PUS1: variants seen among roughly 807,000 people sequenced by gnomAD.
The protein encoded by PUS1 is pseudouridylate synthase 1 homolog.
A neutral mutation model predicts 38.5 loss-of-function variants in PUS1; 25 were observed. The observed-to-expected ratio is 0.65, with a 90% confidence interval of 0.47 to 0.91. The LOEUF (loss-of-function observed/expected upper bound fraction) is 0.91. Ranked by LOEUF, PUS1 falls within the 40% of genes least tolerant of loss-of-function variation. The probability of loss-of-function intolerance (pLI) is 0.00; values close to 1 mark genes in which losing one functional copy is unlikely to be tolerated. For missense variants in PUS1, 597 were observed against 612.3 expected (o/e 0.97, Z 0.26); for synonymous variants, 282 against 260.4 (o/e 1.08, Z -0.80).
Position 131,932,665 on chromosome 12 carries a change from C to T in PUS1, c.441+353C>T, listed in dbSNP as rs1566141701. The stretch of plus-strand genomic sequence containing the variant: ...TGAGGCAGATGTAATTGTGTGGCTG[C>T]AAAGGCAGAGAGCCACACTTGTATG... On this transcript the variant is annotated intron_variant, in intron 3 of 5. Transcript: ENST00000376649. 5 of 430,874 alleles carry T rather than the reference C, an allele frequency of 1.2e-5. 1 individual carries two copies. The highest frequency in any genetic ancestry group is 1.0e-4 in the South Asian group (5 of 48,922). The allele number at this position is 430,874 out of a possible 1,614,324, so 26.7% of individuals were successfully genotyped here. A position where few individuals can be genotyped will look rare whatever the true frequency, so the allele number is the denominator to read the frequency against.
chr12:131,939,813 T>C (rs1438798568), intron 4 of PUS1, among the ~76,000 whole-genome samples: 2 of 152,002 alleles, frequency 1.3e-5, no homozygotes, highest in Non-Finnish European at 2.9e-5. Context: ...ACACTTCATT[T>C]TTGAGTTTGT....
intron 3 of PUS1, among the ~76,000 whole-genome samples, chr12:131,937,894 C>T (rs1890899775): frequency 6.6e-6 from 1 of 152,088 alleles, no homozygotes; most frequent in African/African-American, 2.4e-5. Context: ...GAGACATCAT[C>T]ATCCTTTACC....
Position 131,945,301 on chromosome 12 carries a change from C to G in PUS1, c.*1715C>G, listed in dbSNP as rs148595053. 1 of 152,232 alleles carries G rather than the reference C, an allele frequency of 6.6e-6. No individual in the cohort carries two copies. The highest frequency in any genetic ancestry group is 1.5e-5 in the Non-Finnish European group (1 of 68,110). The allele number at this position is 152,232 out of a possible 1,614,324, so 9.4% of individuals were successfully genotyped here. A position where few individuals can be genotyped will look rare whatever the true frequency, so the allele number is the denominator to read the frequency against. On this transcript the variant is annotated 3_prime_UTR_variant, in exon 6 of 6. Coordinates refer to ENST00000376649, the MANE Select transcript of PUS1 (RefSeq NM_025215.6). The stretch of plus-strand genomic sequence containing the variant: ...GTGGAGCTGGTTTTAGGGATTTTGG[C>G]CAGAGGAGCAGTGGGGCTCACTGCT...
intron 3 of PUS1, chr12:131,934,576 T>G (rs955017854): frequency 2.0e-5 from 3 of 152,200 alleles, no homozygotes; most frequent in African/African-American, 7.2e-5. Flanking sequence ...GGTATATAAT[T>G]ATATCTATAT....
chr12:131,939,383 T>A, intron 4 of PUS1, 108 bp downstream of exon 4: 1 of 781,436 alleles, frequency 1.3e-6, no homozygotes, highest in Non-Finnish European at 2.2e-6. Context: ...TGCAGAAGCG[T>A]AGTCAGAGTT....
At chr12:131,940,511 T>C (rs1252905738) in intron 4 of PUS1, among the ~76,000 whole-genome samples, 1 of 152,226 alleles carries the variant, frequency 6.6e-6, no homozygotes, top group East Asian at 1.9e-4. Flanking sequence ...ACTAAGAACA[T>C]TTACATATGA....
In PUS1 at chr12:131,941,810, C is replaced by T. The variant is rs551018914; in HGVS notation, c.1063C>T (p.Pro355Ser). 11 of 1,613,742 alleles carry T rather than the reference C, an allele frequency of 6.8e-6. No individual in the cohort carries two copies. The South Asian group carries it at 1.2e-4, about 18-fold the overall frequency. Residue 355 changes from proline to serine, a missense_variant, in exon 5 of 6, where the codon CCG becomes TCG. Coordinates refer to ENST00000376649, the MANE Select transcript of PUS1 (RefSeq NM_025215.6). The surrounding 1 kb of genome is among the most constrained non-coding windows in gnomAD (Gnocchi z 4.4). ...CTTTGGCAACGATGGGCTGCATGAG[C>T]CGCTGGACTGGGCGCAGGAGGAAGG... ...QRFGNDGLHE[P>S]LDWAQEEGKV...
chr12:131,932,052 T>G (rs1018664949), intron 2 of PUS1, 123 bp from the exon 3 acceptor site: 2 of 846,492 alleles, frequency 2.4e-6, no homozygotes, highest in Admixed American at 4.0e-5. Flanking sequence ...AGCTCACACT[T>G]GTAATCTCAG....
chr12:131,933,443 T>C (rs549829005), intron 3 of PUS1, among the ~76,000 whole-genome samples: 1 of 152,246 alleles, frequency 6.6e-6, no homozygotes, highest in Non-Finnish European at 1.5e-5. Flanking sequence ...AATACTGTTT[T>C]TGTGTGTATG....
At position 131,941,428 on chromosome 12, in the gene PUS1, G is replaced by A; in HGVS notation, c.681G>A (p.Glu227=). 2 of 1,614,098 alleles carry A rather than the reference G, an allele frequency of 1.2e-6. No individual in the cohort carries two copies. Among genetic ancestry groups the A allele is most frequent in the Non-Finnish European group, 1.7e-6 (2 of 1,179,936 alleles). Residue 227 remains glutamate (E), a synonymous_variant, in exon 5 of 6, where the codon GAG becomes GAA. Coordinates refer to ENST00000376649, the MANE Select transcript of PUS1 (RefSeq NM_025215.6). This position sits in a 1 kb window ranked among gnomAD's most constrained non-coding sequence, Gnocchi z 4.4. ...VQDETYRLSA[E]TLQQVNRLLA... ...ATGAGACCTACCGCCTGAGCGCCGA[G>A]ACGCTGCAGCAGGTCAACAGGCTCC...
At chr12:131,942,650 C>G (rs1024709801) in intron 5 of PUS1, among the ~76,000 whole-genome samples, 35 of 152,198 alleles carry the variant, frequency 2.3e-4, no homozygotes, top group Non-Finnish European at 7.3e-5. Flanking sequence ...TTGTGATCCA[C>G]CCGCCTTGGC....
chr12:131,939,498 AAC>A (rs1890977706), intron 4 of PUS1, among the ~76,000 whole-genome samples: 2 of 152,210 alleles, frequency 1.3e-5, no homozygotes, highest in Admixed American at 1.3e-4. Flanking sequence ...GTTTTAAGCA[AAC>A]ACAGGATGTG....
chr12:131,938,987 C>T (rs1208488459), intron 3 of PUS1, among the ~76,000 whole-genome samples, 186 bp from the exon 4 acceptor site: 3 of 152,134 alleles, frequency 2.0e-5, no homozygotes, highest in African/African-American at 2.4e-5. Context: ...GTGATCCACC[C>T]GCCTCGGCCT....
In PUS1 at chr12:131,939,243, A is replaced by G; in HGVS notation, c.512A>G (p.Asn171Ser). The change falls in exon 4 of 6, where the codon AAC becomes AGC. Residue 171 changes from asparagine (N) to serine (S), a missense_variant. Coordinates refer to ENST00000376649, the MANE Select transcript of PUS1 (RefSeq NM_025215.6). The part of the protein sequence containing the change: ...WLIDDILEKI[N>S]SHLPSHIRIL... ...ATTGACGACATTCTAGAAAAGATCA[A>G]CAGCCACCTTCCCTCTCACATTCGG... The G allele has an allele frequency of 6.4e-7, 1 of 1,560,090 alleles. No homozygotes were observed. The highest frequency in any genetic ancestry group is 8.7e-7 in the Non-Finnish European group (1 of 1,150,570).
chr12:131,932,443 C>G (rs1196295037), intron 3 of PUS1, 131 bp downstream of exon 3: 1 of 1,108,376 alleles, frequency 9.0e-7, no homozygotes, highest in Non-Finnish European at 1.3e-6. Context: ...TAGCCTACGC[C>G]TTATGTAGGT....
At chr12:131,930,878 C>T (rs1360357321) in intron 2 of PUS1, among the ~76,000 whole-genome samples, 1 of 151,900 alleles carries the variant, frequency 6.6e-6, no homozygotes, top group Non-Finnish European at 1.5e-5. Context: ...GCCCAGGCTG[C>T]TCTCCAACTC....
Position 131,943,588 on chromosome 12 carries a change from G to A in PUS1, c.*2G>A, listed in dbSNP as rs770575589. ...GAAGGGGACGGAGACACTGACTGAG[G>A]CGATGGGAGCTGCCCACCAGAGTGC... On this transcript the variant is annotated 3_prime_UTR_variant, in exon 6 of 6. Coordinates refer to ENST00000376649, the MANE Select transcript of PUS1 (RefSeq NM_025215.6). 4 of 1,612,968 alleles carry A rather than the reference G, an allele frequency of 2.5e-6. No homozygotes were observed. In the Admixed American group the frequency reaches 5.0e-5, roughly 20 times the overall value.
rs759184818 is a variant in PUS1 at position 131,930,028 on chromosome 12, G to C, written c.196G>C (p.Ala66Pro). 1 of 1,472,320 alleles carries C rather than the reference G, an allele frequency of 6.8e-7. No homozygotes were observed. The highest frequency in any genetic ancestry group is 1.4e-5 in the South Asian group (1 of 71,244). 91.2% of individuals were successfully genotyped at this position (1,472,320 alleles called of 1,614,324 possible). Reference sequence around the variant, plus strand: ...CGTCTGGGAGGACGGAGAACATCCGGCGAAGAAGCTCAAGAGCGGTGGCGA... The same window carrying C: ...CGTCTGGGAGGACGGAGAACATCCGCCGAAGAAGCTCAAGAGCGGTGGCGA... ...DRVWEDGEHP[A>P]KKLKSGGDEE... is the part of the protein sequence containing the mutation. The change falls in exon 2 of 6, where the codon GCG becomes CCG. Residue 66 changes from alanine to proline, a missense_variant. By Grantham distance (27) the Ala-to-Pro change is conservative (BLOSUM62 -1). Coordinates refer to ENST00000376649, the MANE Select transcript of PUS1 (RefSeq NM_025215.6).
intron 3 of PUS1, 66 bp from the exon 4 acceptor site, chr12:131,939,107 T>C (rs903185493): frequency 5.9e-6 from 6 of 1,022,088 alleles, no homozygotes; most frequent in Non-Finnish European, 9.0e-6. Context: ...AGTCCTTCTT[T>C]CTCAGAGACC....
Sources: allele counts gnomAD v4.1 joint callset (sites outside exome capture counted in the v4.1 genomes callset), GRCh38; gene constraint gnomAD v4.1.1; non-coding constraint Gnocchi (gnomAD v3.1); transcripts MANE v1.5; gene names NCBI Gene and HGNC (gene_info 2026-07-23, HGNC 2026-07-21).